The following SUSD4 variants were observed in gnomAD, a reference collection of about 807,000 sequenced individuals.
SUSD4 encodes sushi domain-containing protein 4.
In SUSD4, 41 loss-of-function variants were observed where a neutral mutation model predicts 50.5. The ratio of observed to expected loss-of-function variants is 0.81; its 90% CI spans 0.63 to 1.05. The LOEUF (loss-of-function observed/expected upper bound fraction) is 1.05. Ranked by LOEUF, SUSD4 falls within the 50% of genes least tolerant of loss-of-function variation. The pLI is 0.00. For missense variants in SUSD4, 580 were observed against 634.7 expected (o/e 0.91, Z 0.93); for synonymous variants, 257 against 257.3 (o/e 1.00, Z 0.01).
intron 3 of SUSD4, chr1:223,289,224 T>C (rs931396291): frequency 2.8e-5 from 28 of 985,316 alleles, no homozygotes; most frequent in Admixed American, 6.2e-5. Context: ...CCCTGGGCCA[T>C]AGACATTTTC....
intron 5 of SUSD4, among the ~76,000 whole-genome samples, chr1:223,262,497 G>A (rs750585942): frequency 5.3e-5 from 8 of 152,146 alleles, no homozygotes; most frequent in Non-Finnish European, 8.8e-5. Context: ...GCATAACTAA[G>A]GCACCATCTT....
At chr1:223,223,099 G>C (rs942879610) in intron 8 of SUSD4, 150 bp downstream of exon 8, 4 of 1,161,386 alleles carry the variant, frequency 3.4e-6, no homozygotes, top group Non-Finnish European at 4.5e-6. Flanking sequence ...CATGGAGAGA[G>C]AGCATGAAGC....
At position 223,229,676 on chromosome 1, in the gene SUSD4, G is replaced by C. The variant is rs1292540612; in HGVS notation, c.725-288C>G. Among the ~76,000 whole-genome samples the C allele has an allele frequency of 1.3e-5, 2 of 152,176 alleles. No homozygotes were observed. Among genetic ancestry groups the C allele is most frequent in the Admixed American group, 1.3e-4 (2 of 15,278 alleles). On this transcript the variant is annotated intron_variant, in intron 5 of 8. Transcript: ENST00000366878. The surrounding 1 kb of genome is among the most constrained non-coding windows in gnomAD (Gnocchi z 4.7). ...GCAAAGAGTATGCCTATTTAATAGAGAGTATTAAGCTACTGTATTAATAAT... is the reference window on the plus strand; with the variant it reads ...GCAAAGAGTATGCCTATTTAATAGACAGTATTAAGCTACTGTATTAATAAT...
At chr1:223,355,472 G>A (rs1265662198) in intron 2 of SUSD4, among the ~76,000 whole-genome samples, 1 of 151,970 alleles carries the variant, frequency 6.6e-6, no homozygotes, top group Non-Finnish European at 1.5e-5. Flanking sequence ...AACCACCTTC[G>A]CCTCCCAAAG....
At chr1:223,226,968 T>C (rs1381587011) in intron 7 of SUSD4, among the ~76,000 whole-genome samples, 1 of 152,148 alleles carries the variant, frequency 6.6e-6, no homozygotes, top group Non-Finnish European at 1.5e-5. Flanking sequence ...TGCAGTCCTC[T>C]TTGGTGGTGA....
At chr1:223,303,026 T>C (rs1357954161) in intron 2 of SUSD4, among the ~76,000 whole-genome samples, 1 of 152,194 alleles carries the variant, frequency 6.6e-6, no homozygotes, top group African/African-American at 2.4e-5. Flanking sequence ...TATGCTCCTA[T>C]AGTCCTAGCT....
intron 6 of SUSD4, among the ~76,000 whole-genome samples, chr1:223,228,593 C>T (rs1659682792): frequency 6.6e-6 from 1 of 152,172 alleles, no homozygotes; most frequent in African/African-American, 2.4e-5. Context: ...AGGTGGTTTG[C>T]AATTAAGTCA....
chr1:223,254,476 A>G (rs559237593), intron 5 of SUSD4, among the ~76,000 whole-genome samples: 4 of 152,354 alleles, frequency 2.6e-5, no homozygotes, highest in South Asian at 4.1e-4. Flanking sequence ...GTGCTGAGAC[A>G]GGAGCCTGCC....
intron 2 of SUSD4, among the ~76,000 whole-genome samples, chr1:223,296,943 C>T (rs751737448): frequency 5.9e-5 from 9 of 152,128 alleles, no homozygotes; most frequent in Non-Finnish European, 1.0e-4. Context: ...TACCAAGCCT[C>T]GGGTATGTCC....
At chr1:223,314,199 TG>T (rs1666043494) in intron 2 of SUSD4, among the ~76,000 whole-genome samples, 2 of 152,298 alleles carry the variant, frequency 1.3e-5, no homozygotes, top group South Asian at 4.1e-4. Flanking sequence ...TGTGACTTTA[TG>T]CCTGTTACTA....
At chr1:223,250,523 G>A (rs1384014909) in intron 5 of SUSD4, among the ~76,000 whole-genome samples, 1 of 152,150 alleles carries the variant, frequency 6.6e-6, no homozygotes, top group East Asian at 1.9e-4. Flanking sequence ...CAGCGAGCTG[G>A]GACAGGACCT....
intron 5 of SUSD4, chr1:223,235,001 G>A: frequency 6.2e-7 from 1 of 1,609,446 alleles, no homozygotes; most frequent in Non-Finnish European, 8.5e-7. Flanking sequence ...AGGTGCTGGG[G>A]TGGGAGAGGA....
intron 2 of SUSD4, among the ~76,000 whole-genome samples, chr1:223,335,389 C>T (rs1667402147): frequency 6.6e-6 from 1 of 152,142 alleles, no homozygotes; most frequent in Non-Finnish European, 1.5e-5. Flanking sequence ...AAATGCTATG[C>T]TTTGCCAAGT....
intron 3 of SUSD4, among the ~76,000 whole-genome samples, chr1:223,274,220 T>C (rs1663108828): frequency 6.6e-6 from 1 of 152,116 alleles, no homozygotes; most frequent in African/African-American, 2.4e-5. Context: ...TTACTCAGGA[T>C]CGGGCTGAAG....
chr1:223,309,101 A>G (rs1425344502), intron 2 of SUSD4, among the ~76,000 whole-genome samples: 1 of 152,182 alleles, frequency 6.6e-6, no homozygotes, highest in Non-Finnish European at 1.5e-5. Flanking sequence ...CCCTCTTCCA[A>G]TCAACCATCT....
chr1:223,320,879 T>C (rs1412903162), intron 2 of SUSD4, among the ~76,000 whole-genome samples: 1 of 152,238 alleles, frequency 6.6e-6, no homozygotes, highest in African/African-American at 2.4e-5. Flanking sequence ...TTGAAACTAG[T>C]TAAATTGCAC....
rs1659119429 is a variant in SUSD4 at position 223,221,175 on chromosome 1, G to A, written c.*1017C>T. 2.5e-6 allele frequency: 1 copy of A among 400,730 alleles called. No individual in the cohort carries two copies. The highest frequency in any genetic ancestry group is 4.4e-5 in the Admixed American group (1 of 22,750). 24.8% of individuals were successfully genotyped at this position (400,730 alleles called of 1,614,324 possible). ...CCTGGAATCTTAGGACAAATAAAAG[G>A]GGGAAAAATCCAACCTCACACTTCT... On this transcript the variant is annotated 3_prime_UTR_variant, in exon 9 of 9. Transcript: ENST00000366878.
At chr1:223,228,024 G>A (rs1257241663) in intron 6 of SUSD4, among the ~76,000 whole-genome samples, 4 of 152,212 alleles carry the variant, frequency 2.6e-5, no homozygotes, top group African/African-American at 9.6e-5. Context: ...CTTAAATAAT[G>A]CATCTGCCTC....
At chr1:223,287,235 C>T (rs1361328927) in intron 3 of SUSD4, among the ~76,000 whole-genome samples, 2 of 152,208 alleles carry the variant, frequency 1.3e-5, no homozygotes, top group African/African-American at 4.8e-5. Context: ...AGCCACCACA[C>T]CTGACTAATT....
Sources: allele counts gnomAD v4.1 joint callset (sites outside exome capture counted in the v4.1 genomes callset), GRCh38; gene constraint gnomAD v4.1.1; non-coding constraint Gnocchi (gnomAD v3.1); transcripts MANE v1.5; gene names NCBI Gene and HGNC (gene_info 2026-07-23, HGNC 2026-07-21).